ATP10A: variants seen among roughly 807,000 people sequenced by gnomAD.
ATP10A encodes the protein phospholipid-transporting ATPase VA.
Under a neutral mutation model 147.8 loss-of-function variants are expected in ATP10A, and 111 were observed. That is an observed-to-expected ratio of 0.75 (90% CI 0.64 to 0.88). The LOEUF (loss-of-function observed/expected upper bound fraction) is 0.88. Ranked by LOEUF, ATP10A falls within the 40% of genes least tolerant of loss-of-function variation. The pLI is 0.00. For missense variants in ATP10A, 1,927 were observed against 1,959.0 expected (o/e 0.98, Z 0.31); for synonymous variants, 875 against 841.6 (o/e 1.04, Z -0.69).
In ATP10A at chr15:25,683,381, G is replaced by A. The variant is rs1567297516; in HGVS notation, c.3397C>T (p.Leu1133Phe). ...AGCACCCCAGTCACGAGCGGGGGAA[G>A]TGACGAGAAGAGCAGATTAAAGAAG... ...LIFFNLLFSS[L>F]PPLVTGVLDR... The change falls in exon 17 of 21, where the codon CTT (leucine) becomes TTT (phenylalanine). Residue 1133 changes from leucine (L) to phenylalanine (F), a missense_variant. Physicochemically the swap from Leu to Phe is conservative, Grantham distance 22. Coordinates refer to ENST00000555815, the MANE Select transcript of ATP10A (RefSeq NM_024490.4). The A allele has an allele frequency of 6.2e-7, 1 of 1,614,166 alleles. No individual in the cohort carries two copies. The highest frequency in any genetic ancestry group is 1.1e-5 in the South Asian group (1 of 91,080).
chr15:25,857,446 TA>T (rs1893566146), intron 1 of ATP10A, among the ~76,000 whole-genome samples: 1 of 152,208 alleles, frequency 6.6e-6, no homozygotes, highest in East Asian at 1.9e-4. Context: ...GACTCTGTCT[TA>T]AAAAATAATA....
At chr15:25,680,584 C>T (rs1596672059) in intron 19 of ATP10A, among the ~76,000 whole-genome samples, 1 of 152,136 alleles carries the variant, frequency 6.6e-6, no homozygotes. Context: ...GGGAAAGAGG[C>T]GGGAGGGAGA....
At chr15:25,726,533 T>C (rs975952985) in intron 4 of ATP10A, among the ~76,000 whole-genome samples, 1 of 151,502 alleles carries the variant, frequency 6.6e-6, no homozygotes, top group Non-Finnish European at 1.5e-5. Context: ...CCTCCGTCTC[T>C]CAGGTTCAAG....
intron 2 of ATP10A, among the ~76,000 whole-genome samples, chr15:25,780,610 C>T (rs1283738341): frequency 6.6e-6 from 1 of 152,190 alleles, no homozygotes; most frequent in East Asian, 1.9e-4. Flanking sequence ...TCGCGCTGAA[C>T]CCAAACACCC....
chr15:25,693,848 C>T (rs992568262), intron 14 of ATP10A, among the ~76,000 whole-genome samples: 3 of 152,230 alleles, frequency 2.0e-5, no homozygotes, highest in African/African-American at 4.8e-5. Flanking sequence ...ACAGCGGTCT[C>T]CTCTGGCCAG....
At chr15:25,823,200 A>G (rs1401722559) in intron 1 of ATP10A, among the ~76,000 whole-genome samples, 1 of 152,222 alleles carries the variant, frequency 6.6e-6, no homozygotes, top group South Asian at 2.1e-4. Flanking sequence ...TCTGGCTTCA[A>G]TGGTATGGCT....
At chr15:25,781,394 C>T (rs1281851593) in intron 1 of ATP10A, among the ~76,000 whole-genome samples, 171 bp from the exon 2 acceptor site, 1 of 152,054 alleles carries the variant, frequency 6.6e-6, no homozygotes, top group African/African-American at 2.4e-5. Context: ...TGGTGGCTCA[C>T]GCCTGTAATC....
At chr15:25,846,119 C>T (rs537402137) in intron 1 of ATP10A, among the ~76,000 whole-genome samples, 4 of 152,170 alleles carry the variant, frequency 2.6e-5, no homozygotes, top group African/African-American at 9.6e-5. Context: ...TTCGTAGAGG[C>T]TGAATGCAGA....
intron 10 of ATP10A, 193 bp from the exon 11 acceptor site, chr15:25,708,493 TA>T: frequency 3.5e-6 from 2 of 569,926 alleles, no homozygotes; most frequent in Non-Finnish European, 6.2e-6. Flanking sequence ...TGTTTTATTT[TA>T]TTTTTTTATA....
At chr15:25,804,540 C>T (rs754992084) in intron 1 of ATP10A, among the ~76,000 whole-genome samples, 2 of 151,348 alleles carry the variant, frequency 1.3e-5, no homozygotes, top group Non-Finnish European at 2.9e-5. Context: ...GCACATATGG[C>T]TAAACACGGA....
Position 25,701,963 on chromosome 15 carries a change from G to A in ATP10A, c.2713C>T (p.Leu905=), listed in dbSNP as rs1401466082. The change falls in exon 13 of 21, where the codon CTG becomes TTG. Residue 905 remains leucine, a synonymous_variant. Coordinates refer to ENST00000555815, the MANE Select transcript of ATP10A (RefSeq NM_024490.4). The part of the protein sequence containing the change: ...TAVNIAYACK[L]LDHDEEVITL... ...ATGACCTCCTCGTCGTGGTCCAGCA[G>A]TTTGCAGGCATATGCAATGTTGACA... 2 of 1,613,726 alleles carry A rather than the reference G, an allele frequency of 1.2e-6. No homozygotes were observed. The highest frequency in any genetic ancestry group is 2.2e-5 in the South Asian group (2 of 91,044).
intron 1 of ATP10A, among the ~76,000 whole-genome samples, chr15:25,847,272 A>C (rs1275393080): frequency 6.6e-6 from 1 of 152,214 alleles, no homozygotes; most frequent in Non-Finnish European, 1.5e-5. Context: ...TTGGGACCCC[A>C]GAGCCCCAGG....
intron 1 of ATP10A, among the ~76,000 whole-genome samples, chr15:25,842,117 C>T (rs940434460): frequency 2.0e-5 from 3 of 152,162 alleles, no homozygotes; most frequent in Non-Finnish European, 4.4e-5. Flanking sequence ...CTGGAGCCAC[C>T]GGATAGGGAG....
chr15:25,756,073 G>A (rs1349848002), intron 2 of ATP10A, among the ~76,000 whole-genome samples: 8 of 152,116 alleles, frequency 5.3e-5, no homozygotes, highest in Admixed American at 6.5e-5. Context: ...GCAAATAATA[G>A]TATCTAGATC....
chr15:25,691,612 C>G (rs1004836019), intron 15 of ATP10A, 103 bp downstream of exon 15: 16 of 1,179,744 alleles, frequency 1.4e-5, no homozygotes, highest in Non-Finnish European at 1.9e-5. Context: ...CCTTTAGCCT[C>G]GTTCAGTAGA....
chr15:25,796,369 C>T (rs918508120), intron 1 of ATP10A, among the ~76,000 whole-genome samples: 3 of 151,126 alleles, frequency 2.0e-5, no homozygotes, highest in African/African-American at 7.3e-5. Context: ...AGCACCACTA[C>T]ACTTCAGCCT....
At chr15:25,728,977 G>A (rs1443025269) in intron 3 of ATP10A, among the ~76,000 whole-genome samples, 1 of 152,120 alleles carries the variant, frequency 6.6e-6, no homozygotes, top group Non-Finnish European at 1.5e-5. Flanking sequence ...GGGCTTCTGA[G>A]AGAGAGAGGC....
chr15:25,753,542 G>A (rs1326369664), intron 2 of ATP10A, among the ~76,000 whole-genome samples: 1 of 150,248 alleles, frequency 6.7e-6, no homozygotes, highest in Non-Finnish European at 1.5e-5. Context: ...ACAGGAAAAG[G>A]CACCCCTAAC....
chr15:25,743,529 C>T (rs1412418336), intron 2 of ATP10A, among the ~76,000 whole-genome samples: 9 of 152,202 alleles, frequency 5.9e-5, no homozygotes, highest in Non-Finnish European at 4.4e-5. Flanking sequence ...TTTCTTTTCC[C>T]TGAGGAGGGT....
Sources: gnomAD v4.1 joint callset for allele counts (sites outside exome capture counted in the v4.1 genomes callset) on GRCh38, gnomAD v4.1.1 for gene constraint, MANE v1.5 for transcripts, NCBI Gene and HGNC (gene_info 2026-07-23, HGNC 2026-07-21) for gene names.